GPT2: variants seen among roughly 807,000 people sequenced by gnomAD.
GPT2 encodes alanine aminotransferase 2.
GPT2 carries 30 observed loss-of-function variants against 56.9 expected under a neutral mutation model. The observed-to-expected ratio is 0.53, with a 90% confidence interval of 0.39 to 0.72. GPT2 has a LOEUF of 0.72. Among genes scored for constraint, GPT2 ranks in the 30% least tolerant of loss-of-function variants. GPT2 has a pLI of 0.00. For synonymous variants in GPT2, 271 were observed against 283.1 expected, an observed-to-expected ratio of 0.96 and a Z score of 0.43; for missense variants, 542 against 703.4, an observed-to-expected ratio of 0.77 and a Z score of 2.60.
At chr16:46,900,136 A>C (rs1960787876) in intron 3 of GPT2, among the ~76,000 whole-genome samples, 1 of 151,988 alleles carries the variant, frequency 6.6e-6, no homozygotes, top group Non-Finnish European at 1.5e-5. Flanking sequence ...ACTTTTGTAC[A>C]CATTTGCTTG....
intron 6 of GPT2, among the ~76,000 whole-genome samples, chr16:46,910,811 G>A (rs772647875): frequency 2.0e-5 from 3 of 152,072 alleles, no homozygotes; most frequent in Non-Finnish European, 4.4e-5. Flanking sequence ...GTGTGTCCCA[G>A]GCTGGTCTTA....
chr16:46,911,873 A>T (rs77740205), intron 6 of GPT2, among the ~76,000 whole-genome samples: 3,065 of 152,340 alleles, frequency 0.02, 47 homozygotes, highest in Admixed American at 0.031. Context: ...AGGTGTTTAC[A>T]TAAATCTTTT....
Position 46,901,058 on chromosome 16 carries a change from T to C in GPT2, c.442+268T>C, listed in dbSNP as rs916181073. Among the ~76,000 whole-genome samples the C allele has an allele frequency of 3.9e-5, 6 of 152,232 alleles. No individual in the cohort carries two copies. In the South Asian group the frequency reaches 8.3e-4, roughly 21 times the overall value. On this transcript the variant is annotated intron_variant, in intron 4 of 11. Coordinates refer to ENST00000340124, the MANE Select transcript of GPT2 (RefSeq NM_133443.4). ...GTGCTCCTCCTGGGAGCCAGCCTCATTGGACAGCAGCTGAGCCTGCCTTCG... is the reference window on the plus strand; with the variant it reads ...GTGCTCCTCCTGGGAGCCAGCCTCACTGGACAGCAGCTGAGCCTGCCTTCG...
At chr16:46,922,193 T>G (rs1331792535) in intron 8 of GPT2, 49 bp from the exon 9 acceptor site, 23 of 1,579,584 alleles carry the variant, frequency 1.5e-5, no homozygotes, top group Non-Finnish European at 1.9e-5. Flanking sequence ...GGCACTTTGT[T>G]GAGGTCTTTC....
At chr16:46,922,437 C>A in intron 9 of GPT2, 21 bp downstream of exon 9, 1 of 1,581,710 alleles carries the variant, frequency 6.3e-7, no homozygotes, top group Non-Finnish European at 8.6e-7. Flanking sequence ...TGTGATGCGT[C>A]TGCACCCCTG....
chr16:46,929,103 G>C lies in GPT2; in HGVS notation c.*106G>C. On this transcript the variant is annotated 3_prime_UTR_variant, in exon 12 of 12. Transcript: ENST00000340124. Reference sequence around the variant, plus strand: ...CTCTGCCTCGGGCCTCGCAGAGGCCGCTGGTCACTTCGTCATCATTTTGCC... The same window carrying C: ...CTCTGCCTCGGGCCTCGCAGAGGCCCCTGGTCACTTCGTCATCATTTTGCC... 1.2e-6 allele frequency: 1 copy of C among 810,092 alleles called. No homozygotes were observed. The highest frequency in any genetic ancestry group is 2.1e-6 in the Non-Finnish European group (1 of 472,916). 50.2% of individuals were successfully genotyped at this position (810,092 alleles called of 1,614,324 possible).
intron 8 of GPT2, 53 bp downstream of exon 8, chr16:46,918,810 C>T (rs1961224194): frequency 6.3e-7 from 1 of 1,599,950 alleles, no homozygotes; most frequent in Non-Finnish European, 8.5e-7. Flanking sequence ...GATCCTCACG[C>T]TGCCGGCTCC....
At chr16:46,896,664 G>T (rs1315681235) in intron 2 of GPT2, among the ~76,000 whole-genome samples, 1 of 152,146 alleles carries the variant, frequency 6.6e-6, no homozygotes, top group Non-Finnish European at 1.5e-5. Flanking sequence ...CTGACATTTG[G>T]CATGTTCTGC....
intron 6 of GPT2, 31 bp downstream of exon 6, chr16:46,909,958 A>G (rs1176900092): frequency 3.8e-6 from 6 of 1,566,892 alleles, no homozygotes; most frequent in Non-Finnish European, 4.3e-6. Flanking sequence ...CCAGTTTCGT[A>G]GAGGGTGGGG....
intron 2 of GPT2, among the ~76,000 whole-genome samples, chr16:46,892,965 C>A (rs1039027215): frequency 6.6e-6 from 1 of 152,228 alleles, no homozygotes; most frequent in South Asian, 2.1e-4. Context: ...CACATCCTCC[C>A]GTATAATTAA....
intron 10 of GPT2, among the ~76,000 whole-genome samples, chr16:46,926,673 T>TGGGCACTGCCCGATGAC (rs1324997738): frequency 6.6e-6 from 1 of 152,210 alleles, no homozygotes; most frequent in Admixed American, 6.5e-5. Flanking sequence ...TGCCTGGGGA[T>TGGGCACTGCCCGATGAC]GGGCACTGCC....
intron 4 of GPT2, among the ~76,000 whole-genome samples, chr16:46,901,099 C>T (rs1170343725): frequency 1.3e-5 from 2 of 152,344 alleles, no homozygotes; most frequent in Middle Eastern, 3.4e-3. Flanking sequence ...GCAGGTTTCA[C>T]CCAGCAGCTG....
At chr16:46,906,160 A>T (rs1247971278) in intron 4 of GPT2, among the ~76,000 whole-genome samples, 1 of 151,896 alleles carries the variant, frequency 6.6e-6, no homozygotes. Context: ...CGCAGCCTCT[A>T]CCTCCTGAGC....
At chr16:46,901,555 C>T (rs2143423379) in intron 4 of GPT2, among the ~76,000 whole-genome samples, 1 of 152,366 alleles carries the variant, frequency 6.6e-6, no homozygotes, top group Non-Finnish European at 1.5e-5. Flanking sequence ...GGGAATCCAG[C>T]TTCCTTCGCC....
At chr16:46,908,974 C>G (rs1456513092) in intron 5 of GPT2, among the ~76,000 whole-genome samples, 3 of 152,212 alleles carry the variant, frequency 2.0e-5, no homozygotes, top group African/African-American at 7.2e-5. Flanking sequence ...ACCAATACCC[C>G]AAAGGAATCC....
chr16:46,894,880 T>C (rs1960656152), intron 2 of GPT2, among the ~76,000 whole-genome samples: 1 of 152,096 alleles, frequency 6.6e-6, no homozygotes, highest in Non-Finnish European at 1.5e-5. Context: ...TTAGCCAGGA[T>C]GGTCTCGATC....
chr16:46,891,427 G>T (rs1960583360), intron 2 of GPT2, among the ~76,000 whole-genome samples: 2 of 151,634 alleles, frequency 1.3e-5, no homozygotes, highest in Non-Finnish European at 2.9e-5. Flanking sequence ...TTTTGAGATG[G>T]AGTTTCGCTC....
chr16:46,898,994 CACACATATATATAT>C (rs1960755589), intron 3 of GPT2, among the ~76,000 whole-genome samples: 2 of 104,056 alleles, frequency 1.9e-5, no homozygotes, highest in African/African-American at 8.7e-5. Flanking sequence ...ATATATATAA[CACACATATATATAT>C]ATATATATAT....
rs1961517824 is a variant in GPT2, at chr16:46,930,333, G to C, written c.*1336G>C. 6.6e-6 allele frequency: 1 copy of C among 152,310 alleles called. No individual in the cohort carries two copies. Among genetic ancestry groups the C allele is most frequent in the African/African-American group, 2.4e-5 (1 of 41,464 alleles). 9.4% of individuals were successfully genotyped at this position (152,310 alleles called of 1,614,324 possible). ...TTCCCCATCCTCCCTGCCTTCCCCA[G>C]TGGGAAGTTAGGGAAGCTCAGGAGC... On this transcript the variant is annotated 3_prime_UTR_variant, in exon 12 of 12. Coordinates refer to ENST00000340124, the MANE Select transcript of GPT2 (RefSeq NM_133443.4).
Sources: gnomAD v4.1 joint callset for allele counts (sites outside exome capture counted in the v4.1 genomes callset) on GRCh38, gnomAD v4.1.1 for gene constraint, MANE v1.5 for transcripts, NCBI Gene and HGNC (gene_info 2026-07-23, HGNC 2026-07-21) for gene names.